The following ARHGAP26 variants were observed in gnomAD, a reference collection of about 807,000 sequenced individuals.
The protein encoded by ARHGAP26 is Rho GTPase activating protein 26, also known as rho GTPase-activating protein 26.
A neutral mutation model predicts 104.8 loss-of-function variants in ARHGAP26; 38 were observed. The ratio of observed to expected loss-of-function variants is 0.36; its 90% CI spans 0.28 to 0.48. The LOEUF (loss-of-function observed/expected upper bound fraction) is 0.48, where lower values mean the gene tolerates loss of function less well. Ranked by LOEUF, ARHGAP26 falls within the 20% of genes least tolerant of loss-of-function variation. The probability of loss-of-function intolerance (pLI) is 0.99; values close to 1 mark genes in which losing one functional copy is unlikely to be tolerated. For missense variants in ARHGAP26, 704 were observed against 947.9 expected, an observed-to-expected ratio of 0.74 and a Z score of 3.38; for synonymous variants, 341 against 340.0, an observed-to-expected ratio of 1.00 and a Z score of -0.03.
intron 8 of ARHGAP26, among the ~76,000 whole-genome samples, chr5:142,904,735 TG>T (rs919332859): frequency 6.6e-6 from 1 of 152,178 alleles, no homozygotes; most frequent in African/African-American, 2.4e-5. Context: ...AGAAAGTGAA[TG>T]TTTTTTTCTT....
intron 11 of ARHGAP26, among the ~76,000 whole-genome samples, chr5:142,992,333 T>G (rs535825722): frequency 1.3e-5 from 2 of 152,308 alleles, no homozygotes; most frequent in East Asian, 3.9e-4. Flanking sequence ...TTTTATTATC[T>G]TAACACTATT....
intron 1 of ARHGAP26, among the ~76,000 whole-genome samples, chr5:142,853,453 C>T (rs992218632): frequency 6.6e-6 from 1 of 152,130 alleles, no homozygotes; most frequent in Admixed American, 6.6e-5. Context: ...GGCCTCCCAA[C>T]GTGCTAGGAT....
At chr5:143,188,688 T>C (rs537208337) in intron 20 of ARHGAP26, among the ~76,000 whole-genome samples, 1 of 152,308 alleles carries the variant, frequency 6.6e-6, no homozygotes, top group African/African-American at 2.4e-5. Context: ...AAGTGTAGAC[T>C]GATGATTTCT....
chr5:143,051,971 G>A (rs1208839245), intron 14 of ARHGAP26, among the ~76,000 whole-genome samples: 6 of 152,196 alleles, frequency 3.9e-5, no homozygotes, highest in Admixed American at 3.9e-4. Context: ...GTCTTAGGAT[G>A]GGGAGGGAAA....
At chr5:142,855,381 G>A (rs376554053) in intron 1 of ARHGAP26, among the ~76,000 whole-genome samples, 6 of 152,302 alleles carry the variant, frequency 3.9e-5, no homozygotes, top group African/African-American at 1.4e-4. Context: ...GAAATGAAGT[G>A]GAGGTTTTAG....
chr5:143,178,706 C>CT (rs1803865136), intron 20 of ARHGAP26, among the ~76,000 whole-genome samples: 2 of 152,302 alleles, frequency 1.3e-5, no homozygotes, highest in African/African-American at 4.8e-5. Context: ...TTCACATTTC[C>CT]TCACGATTGC....
chr5:142,890,148 AAAAATAT>A (rs1172254628), intron 5 of ARHGAP26, among the ~76,000 whole-genome samples: 4 of 83,270 alleles, frequency 4.8e-5, no homozygotes, highest in East Asian at 4.2e-4. Context: ...AAAAAAAAAA[AAAAATAT>A]ATATATATAT....
chr5:143,119,381 T>C (rs1795867107), intron 17 of ARHGAP26, among the ~76,000 whole-genome samples: 1 of 152,172 alleles, frequency 6.6e-6, no homozygotes, highest in African/African-American at 2.4e-5. Flanking sequence ...GGACATAGAA[T>C]TTCCTTGCCA....
chr5:143,004,102 G>GT (rs1777598006), intron 11 of ARHGAP26, among the ~76,000 whole-genome samples: 1 of 151,800 alleles, frequency 6.6e-6, no homozygotes, highest in African/African-American at 2.4e-5. Flanking sequence ...ACAGCTTGGT[G>GT]TTTGCCTTAT....
intron 4 of ARHGAP26, among the ~76,000 whole-genome samples, chr5:142,884,136 T>C (rs1757378284): frequency 6.6e-6 from 1 of 152,242 alleles, no homozygotes; most frequent in Admixed American, 6.5e-5. Context: ...ATCAGCCAAG[T>C]GCCAACCTTC....
intron 6 of ARHGAP26, among the ~76,000 whole-genome samples, chr5:142,898,765 G>A (rs1389266777): frequency 6.6e-6 from 1 of 152,198 alleles, no homozygotes; most frequent in Non-Finnish European, 1.5e-5. Context: ...GTTAAAGGGA[G>A]TTATGTGGCT....
chr5:143,014,174 G>C, intron 12 of ARHGAP26, 58 bp downstream of exon 12: 1 of 1,592,886 alleles, frequency 6.3e-7, no homozygotes, highest in Non-Finnish European at 8.6e-7. Context: ...GCTTTGAGAA[G>C]TTGCTACTCC....
chr5:142,779,500 T>G (rs934229118), intron 1 of ARHGAP26, among the ~76,000 whole-genome samples: 5 of 152,212 alleles, frequency 3.3e-5, no homozygotes, highest in African/African-American at 1.2e-4. Flanking sequence ...CACACCAAAC[T>G]GTTAACTAGC....
At chr5:142,893,604 A>T (rs575647638) in intron 5 of ARHGAP26, among the ~76,000 whole-genome samples, 34 of 152,268 alleles carry the variant, frequency 2.2e-4, no homozygotes, top group African/African-American at 7.2e-4. Flanking sequence ...TTTTCTTTGG[A>T]TAAATACCAA....
chr5:143,089,912 G>A (rs1598962339), intron 17 of ARHGAP26, among the ~76,000 whole-genome samples: 1 of 152,302 alleles, frequency 6.6e-6, no homozygotes, highest in South Asian at 2.1e-4. Context: ...CAGGGTGAAA[G>A]GGATAGCCAA....
In ARHGAP26 at chr5:142,965,056, C is replaced by T. The variant is rs183306321; in HGVS notation, c.1107+32931C>T. On this transcript the variant is annotated intron_variant, in intron 11 of 22. Transcript: ENST00000645722. ...GGACAAGGGGCCCTTCCCTGCCTGG[C>T]AGCCAAGGCAGAGAGGGAGAGGAGA... Among the ~76,000 whole-genome samples, 676 of 152,314 alleles carry T rather than the reference C, an allele frequency of 4.4e-3. 7 individuals are homozygous for T. Among genetic ancestry groups the T allele is most frequent in the African/African-American group, 0.015 (633 of 41,556 alleles).
Position 143,056,076 on chromosome 5 carries a change from C to T in ARHGAP26, c.1422C>T (p.Ile474=). The T allele has an allele frequency of 6.2e-7, 1 of 1,612,954 alleles. No individual in the cohort carries two copies. The change falls in exon 16 of 23, where the codon ATC becomes ATT. Residue 474 remains isoleucine, a synonymous_variant. Transcript: ENST00000645722. ...TGTACCAGTTTCAAAGAAGTTTCAT[C>T]AAAGCAGCAAGTAAGTCTTTTTTGT... The part of the protein sequence containing the change: ...LMMYQFQRSF[I]KAAKLENQES...
At chr5:142,816,278 T>A (rs191222651) in intron 1 of ARHGAP26, among the ~76,000 whole-genome samples, 1 of 152,336 alleles carries the variant, frequency 6.6e-6, no homozygotes, top group Admixed American at 6.5e-5. Context: ...TGAGAGCAAC[T>A]TGGTGCATGA....
chr5:142,942,017 T>C (rs1044914129), intron 11 of ARHGAP26, among the ~76,000 whole-genome samples: 13 of 152,168 alleles, frequency 8.5e-5, no homozygotes, highest in African/African-American at 3.1e-4. Flanking sequence ...TCTTTTTTTT[T>C]TTGCTGTACT....
Sources: allele counts gnomAD v4.1 joint callset (sites outside exome capture counted in the v4.1 genomes callset), GRCh38; gene constraint gnomAD v4.1.1; transcripts MANE v1.5; gene names NCBI Gene and HGNC (gene_info 2026-07-23, HGNC 2026-07-21).